The following NFYC variants were observed in gnomAD, a reference collection of about 807,000 sequenced individuals.
The protein encoded by NFYC is CAAT box DNA-binding protein subunit C.
NFYC carries 25 observed loss-of-function variants against 53.1 expected under a neutral mutation model. That is an observed-to-expected ratio of 0.47 (90% confidence interval 0.34 to 0.66). The LOEUF (loss-of-function observed/expected upper bound fraction) is 0.66. Among genes scored for constraint, NFYC ranks in the 30% least tolerant of loss-of-function variants. NFYC has a pLI of 0.01. For missense variants in NFYC, 260 were observed against 422.7 expected (o/e 0.62, Z 3.38); for synonymous variants, 145 against 152.6 (o/e 0.95, Z 0.37).
chr1:40,749,792 G>C (rs1431462404), intron 4 of NFYC, 106 bp downstream of exon 4: 2 of 907,262 alleles, frequency 2.2e-6, no homozygotes. Context: ...ACCAAAGATT[G>C]TTCTCCTTTA....
At chr1:40,691,964 C>G (rs1351408700) in intron 1 of NFYC, 97 bp downstream of exon 1, 20 of 311,866 alleles carry the variant, frequency 6.4e-5, no homozygotes, top group Non-Finnish European at 1.2e-4. Context: ...ACCTCACTTC[C>G]TCGCGCGGCC....
At chr1:40,758,350 G>T in intron 6 of NFYC, 56 bp downstream of exon 6, 2 of 1,521,748 alleles carry the variant, frequency 1.3e-6, no homozygotes, top group Non-Finnish European at 1.8e-6. Flanking sequence ...TAGGTTTTTG[G>T]ATGGGCAGAG....
intron 4 of NFYC, among the ~76,000 whole-genome samples, chr1:40,750,353 T>A (rs540586751): frequency 6.6e-6 from 1 of 152,256 alleles, no homozygotes; most frequent in East Asian, 1.9e-4. Context: ...AGAAAGTAAA[T>A]TATTTTCTCT....
chr1:40,693,576 T>G (rs1392644908), intron 1 of NFYC, among the ~76,000 whole-genome samples: 1 of 152,168 alleles, frequency 6.6e-6, no homozygotes, highest in Non-Finnish European at 1.5e-5. Context: ...ATTGCTATTT[T>G]GGGGCATATT....
intron 4 of NFYC, 44 bp from the exon 5 acceptor site, chr1:40,753,107 T>A: frequency 6.8e-7 from 1 of 1,462,822 alleles, no homozygotes; most frequent in African/African-American, 1.4e-5. Flanking sequence ...AGTGAACTAG[T>A]TTCTCCCCAG....
rs779245902 is a variant in NFYC, at chr1:40,770,736, A to G, written c.916A>G (p.Met306Val). The G allele has an allele frequency of 2.5e-5, 40 of 1,614,060 alleles. No homozygotes were observed. Among genetic ancestry groups the G allele is most frequent in the Non-Finnish European group, 3.1e-5 (36 of 1,180,028 alleles). ...GCTCTACCAGATCCAGCAAGTCACCATGCCTGCGGGCCAGGACCTCGCCCA... is the reference window on the plus strand; with the variant it reads ...GCTCTACCAGATCCAGCAAGTCACCGTGCCTGCGGGCCAGGACCTCGCCCA... Reference protein sequence around the residue: ...QQLYQIQQVTMPAGQDLAQPM... With the variant: ...QQLYQIQQVTVPAGQDLAQPM... Residue 306 changes from methionine (M) to valine (V), a missense_variant, in exon 10 of 10, where the codon ATG becomes GTG. By Grantham distance (21) the Met-to-Val change is conservative (BLOSUM62 1). Coordinates refer to ENST00000447388, the MANE Select transcript of NFYC (RefSeq NM_014223.5). The surrounding 1 kb of genome is among the most constrained non-coding windows in gnomAD (Gnocchi z 5.3).
intron 5 of NFYC, chr1:40,754,393 C>T: frequency 1.9e-6 from 1 of 534,478 alleles, no homozygotes; most frequent in Non-Finnish European, 3.8e-6. Flanking sequence ...TGACTGGAAG[C>T]TGTAAGGTGT....
rs57102599 is a variant in NFYC, at chr1:40,703,480, TA to T, written c.-9+11627del. Among the ~76,000 whole-genome samples, 146 of 97,708 alleles carry T rather than the reference TA, an allele frequency of 1.5e-3. 1 individual carries two copies. Among genetic ancestry groups the T allele is most frequent in the East Asian group, 0.011 (41 of 3,808 alleles). The allele number at this position is 97,708 out of a possible 152,430, so 64.1% of individuals were successfully genotyped here. ...GTACTCCAGCCTGGGCAATTAGCCC[TA>T]AAAAAAAAAAAAAGAATATGAAGCT... On this transcript the variant is annotated intron_variant, in intron 1 of 9. Transcript: ENST00000447388.
At chr1:40,731,781 G>A (rs1316755177) in intron 1 of NFYC, among the ~76,000 whole-genome samples, 2 of 152,222 alleles carry the variant, frequency 1.3e-5, no homozygotes, top group African/African-American at 4.8e-5. Flanking sequence ...ACCGCGCCTG[G>A]CCCCGGCCTT....
intron 1 of NFYC, among the ~76,000 whole-genome samples, chr1:40,730,974 G>GT (rs374223769): frequency 6.6e-6 from 1 of 151,824 alleles, no homozygotes; most frequent in African/African-American, 2.4e-5. Flanking sequence ...CGTCTGTTTG[G>GT]TTTTTTTTCC....
At position 40,763,023 on chromosome 1, in the gene NFYC, A is replaced by G. The variant is rs949071273; in HGVS notation, c.697A>G (p.Thr233Ala). 1 of 1,605,918 alleles carries G rather than the reference A, an allele frequency of 6.2e-7. No homozygotes were observed. Among genetic ancestry groups the G allele is most frequent in the Non-Finnish European group, 8.5e-7 (1 of 1,175,286 alleles). The change falls in exon 7 of 10, where the codon ACA (threonine) becomes GCA (alanine). Residue 233 changes from threonine (T) to alanine (A), a missense_variant. Thr to Ala is a moderately conservative substitution (Grantham distance 58). Coordinates refer to ENST00000447388, the MANE Select transcript of NFYC (RefSeq NM_014223.5). Reference protein sequence around the residue: ...MQVMQQIITNTGEIQQIPVQL... With the variant: ...MQVMQQIITNAGEIQQIPVQL... ...GGTGATGCAGCAGATCATCACTAACACAGGAGAGATCCAGCAGATCCCGGT... is the reference window on the plus strand; with the variant it reads ...GGTGATGCAGCAGATCATCACTAACGCAGGAGAGATCCAGCAGATCCCGGT...
chr1:40,755,925 A>G (rs1344825521), intron 5 of NFYC, among the ~76,000 whole-genome samples: 4 of 152,150 alleles, frequency 2.6e-5, no homozygotes, highest in Admixed American at 6.5e-5. Flanking sequence ...CATATTCAAT[A>G]CTAGATCAGC....
intron 1 of NFYC, among the ~76,000 whole-genome samples, chr1:40,718,831 C>A (rs1054326637): frequency 6.6e-6 from 1 of 152,068 alleles, no homozygotes. Flanking sequence ...ACATAGAGAT[C>A]GATATTTTTA....
rs370957142 is a variant in NFYC at position 40,766,880 on chromosome 1, A to G, written c.828+177A>G. ...AGGCATGGGTGGTAATTGGAACATTAGATTCAAAGTGTTTTCTCTTACCAT... is the reference window on the plus strand; with the variant it reads ...AGGCATGGGTGGTAATTGGAACATTGGATTCAAAGTGTTTTCTCTTACCAT... On this transcript the variant is annotated intron_variant, in intron 8 of 9. Transcript: ENST00000447388. 1.9e-4 allele frequency: 297 copies of G among 1,549,288 alleles called. 1 individual carries two copies. The South Asian group carries it at 2.5e-3, about 13-fold the overall frequency.
chr1:40,766,486 T>G, intron 7 of NFYC, 110 bp from the exon 8 acceptor site: 2 of 766,216 alleles, frequency 2.6e-6, no homozygotes, highest in Non-Finnish European at 2.1e-6. Context: ...CAGGCTTCTT[T>G]GGAGGGCTTG....
chr1:40,726,655 G>A (rs1408818477), intron 1 of NFYC, among the ~76,000 whole-genome samples: 1 of 152,128 alleles, frequency 6.6e-6, no homozygotes, highest in Non-Finnish European at 1.5e-5. Context: ...GGGCTGAAGT[G>A]ATCCTCTTGC....
chr1:40,723,873 C>T (rs1216570032), intron 1 of NFYC: 1 of 152,028 alleles, frequency 6.6e-6, no homozygotes, highest in Non-Finnish European at 1.5e-5. Context: ...ATGGGGGTCT[C>T]ACTATGTTGC....
intron 5 of NFYC, among the ~76,000 whole-genome samples, chr1:40,757,635 T>C (rs1337453670): frequency 3.3e-5 from 5 of 152,230 alleles, no homozygotes; most frequent in African/African-American, 1.2e-4. Context: ...GGAAAAGCCC[T>C]GTTTCCCATT....
intron 1 of NFYC, among the ~76,000 whole-genome samples, chr1:40,726,600 G>A (rs1476073506): frequency 1.3e-5 from 2 of 152,006 alleles, no homozygotes; most frequent in African/African-American, 2.4e-5. Context: ...TGTATAGACA[G>A]GGTCTCCTGT....
Sources: gnomAD v4.1 joint callset for allele counts (sites outside exome capture counted in the v4.1 genomes callset) on GRCh38, gnomAD v4.1.1 for gene constraint, Gnocchi (gnomAD v3.1) non-coding constraint, MANE v1.5 for transcripts, NCBI Gene and HGNC (gene_info 2026-07-23, HGNC 2026-07-21) for gene names.